NALF1: variants seen among roughly 807,000 people sequenced by gnomAD.
NALF1 encodes the protein NALCN channel auxiliary factor 1.
Under a neutral mutation model 48.4 loss-of-function variants are expected in NALF1, and 3 were observed. The ratio of observed to expected loss-of-function variants is 0.06; its 90% CI spans 0.03 to 0.16. The LOEUF (loss-of-function observed/expected upper bound fraction) is 0.16. Among genes scored for constraint, NALF1 ranks in the 10% least tolerant of loss-of-function variants. The pLI, the probability that NALF1 is intolerant of heterozygous loss-of-function variation, is 1.00. For synonymous variants in NALF1, 262 were observed against 245.7 expected (o/e 1.07, Z -0.62); for missense variants, 526 against 571.5 (o/e 0.92, Z 0.81).
chr13:107,385,772 A>T (rs911415513), intron 1 of NALF1, among the ~76,000 whole-genome samples: 1 of 152,148 alleles, frequency 6.6e-6, no homozygotes, highest in African/African-American at 2.4e-5. Context: ...AAAGGAACAA[A>T]TTCGATATTT....
chr13:107,308,363 G>A (rs981006036), intron 1 of NALF1, among the ~76,000 whole-genome samples: 3 of 151,658 alleles, frequency 2.0e-5, no homozygotes, highest in Middle Eastern at 3.2e-3. Flanking sequence ...CACCACGCCC[G>A]GCTAATTTTT....
At chr13:107,401,510 T>A (rs779602582) in intron 1 of NALF1, among the ~76,000 whole-genome samples, 3 of 152,200 alleles carry the variant, frequency 2.0e-5, no homozygotes, top group Non-Finnish European at 2.9e-5. Flanking sequence ...GAAATATCTT[T>A]ATCACAACAA....
intron 2 of NALF1, among the ~76,000 whole-genome samples, chr13:107,182,043 C>T (rs1489293076): frequency 6.6e-6 from 1 of 151,832 alleles, no homozygotes; most frequent in Non-Finnish European, 1.5e-5. Flanking sequence ...CATTCTTTAT[C>T]TAAGAGTTTC....
At chr13:107,437,957 TAGA>T (rs1430263438) in intron 1 of NALF1, among the ~76,000 whole-genome samples, 1 of 152,204 alleles carries the variant, frequency 6.6e-6, no homozygotes, top group Non-Finnish European at 1.5e-5. Context: ...TCAAAATTGA[TAGA>T]AGAACAAATT....
intron 1 of NALF1, among the ~76,000 whole-genome samples, chr13:107,803,833 G>C (rs1379195235): frequency 6.6e-6 from 1 of 151,952 alleles, no homozygotes; most frequent in Admixed American, 6.6e-5. Context: ...TTTCAGAGGA[G>C]GCAGTGCCTT....
intron 1 of NALF1, among the ~76,000 whole-genome samples, chr13:107,339,410 G>C (rs1029657681): frequency 6.6e-6 from 1 of 151,956 alleles, no homozygotes; most frequent in African/African-American, 2.4e-5. Context: ...TCATCTAGTA[G>C]GTTTGTGAAA....
intron 1 of NALF1, among the ~76,000 whole-genome samples, chr13:107,852,238 C>A (rs1349818549): frequency 6.6e-6 from 1 of 152,100 alleles, no homozygotes; most frequent in African/African-American, 2.4e-5. Context: ...TTACATTTTT[C>A]CATGTCCATA....
chr13:107,195,260 C>G (rs1879366255), intron 2 of NALF1, among the ~76,000 whole-genome samples: 2 of 152,102 alleles, frequency 1.3e-5, no homozygotes, highest in African/African-American at 4.8e-5. Flanking sequence ...CCCACATGTA[C>G]CCTAAAACTA....
chr13:107,505,288 C>A (rs976196999), intron 1 of NALF1, among the ~76,000 whole-genome samples: 1 of 152,060 alleles, frequency 6.6e-6, no homozygotes, highest in Non-Finnish European at 1.5e-5. Flanking sequence ...AGTGCAAGGA[C>A]AAGAGGAGGG....
At chr13:107,492,151 T>C (rs1594092122) in intron 1 of NALF1, among the ~76,000 whole-genome samples, 1 of 149,744 alleles carries the variant, frequency 6.7e-6, no homozygotes, top group Non-Finnish European at 1.5e-5. Context: ...CCTGGGTTCA[T>C]GCAATTCTCC....
chr13:107,855,680 T>C (rs2138645928), intron 1 of NALF1, among the ~76,000 whole-genome samples: 1 of 152,300 alleles, frequency 6.6e-6, no homozygotes, highest in African/African-American at 2.4e-5. Context: ...ATAGTGAAGG[T>C]AAACCCAAGA....
intron 1 of NALF1, among the ~76,000 whole-genome samples, chr13:107,304,504 T>C (rs907489331): frequency 6.6e-6 from 1 of 152,212 alleles, no homozygotes. Context: ...AAAGAAAATA[T>C]GAACATGCTC....
chr13:107,180,399 T>C (rs988076058), intron 2 of NALF1, among the ~76,000 whole-genome samples: 1 of 152,086 alleles, frequency 6.6e-6, no homozygotes, highest in Non-Finnish European at 1.5e-5. Context: ...GAATAAAACA[T>C]GGCATTATTT....
chr13:107,599,817 G>C (rs1414226484), intron 1 of NALF1, among the ~76,000 whole-genome samples: 1 of 152,100 alleles, frequency 6.6e-6, no homozygotes, highest in Non-Finnish European at 1.5e-5. Context: ...AAGTTGTATA[G>C]AGTATGTTAG....
chr13:107,764,187 G>A (rs1020397082), intron 1 of NALF1, among the ~76,000 whole-genome samples: 6 of 152,048 alleles, frequency 3.9e-5, no homozygotes, highest in African/African-American at 9.7e-5. Flanking sequence ...AACATATTTA[G>A]GCCAAAGTTT....
intron 1 of NALF1, among the ~76,000 whole-genome samples, chr13:107,864,359 G>T (rs182040299): frequency 6.6e-6 from 1 of 152,236 alleles, no homozygotes; most frequent in East Asian, 1.9e-4. Flanking sequence ...CAACTAATCC[G>T]CCCAAAGTAA....
At chr13:107,650,292 G>T (rs9559119) in intron 1 of NALF1, among the ~76,000 whole-genome samples, 1 of 151,618 alleles carries the variant, frequency 6.6e-6, no homozygotes, top group Non-Finnish European at 1.5e-5. Context: ...GGGGGCGAGC[G>T]ATGAGGCTGC....
intron 1 of NALF1, among the ~76,000 whole-genome samples, chr13:107,809,179 A>G (rs1284625514): frequency 1.3e-5 from 2 of 151,852 alleles, no homozygotes. Context: ...TCTAGTTTGC[A>G]AAGAAACAGA....
At chr13:107,548,924 G>C (rs1005681580) in intron 1 of NALF1, among the ~76,000 whole-genome samples, 1 of 152,162 alleles carries the variant, frequency 6.6e-6, no homozygotes, top group East Asian at 1.9e-4. Context: ...TGCAGTTTCT[G>C]GGTGAGAAAT....
Sources: allele counts gnomAD v4.1 joint callset (sites outside exome capture counted in the v4.1 genomes callset), GRCh38; gene constraint gnomAD v4.1.1; transcripts MANE v1.5; gene names NCBI Gene and HGNC (gene_info 2026-07-23, HGNC 2026-07-21).